The following LPAR6 variants were observed in gnomAD, a reference collection of about 807,000 sequenced individuals.
LPAR6 encodes G-protein coupled purinergic receptor P2Y5.
In LPAR6, 17 loss-of-function variants were observed where a neutral mutation model predicts 22.0. The ratio of observed to expected loss-of-function variants is 0.77; its 90% confidence interval spans 0.53 to 1.16. The LOEUF (loss-of-function observed/expected upper bound fraction) is 1.16. LPAR6 is among the 50% of genes most tolerant of loss of function. The pLI, the probability that LPAR6 is intolerant of heterozygous loss-of-function variation, is 0.00. For synonymous variants in LPAR6, 136 were observed against 139.8 expected (o/e 0.97, Z 0.19); for missense variants, 384 against 406.9 (o/e 0.94, Z 0.48).
downstream of LPAR6, among the ~76,000 whole-genome samples, chr13:48,407,450 T>C (rs1948750361): frequency 6.6e-6 from 1 of 152,208 alleles, no homozygotes; most frequent in African/African-American, 2.4e-5. Context: ...TGTTCATTTA[T>C]TATCTGATCT....
chr13:48,443,739 C>T (rs1949260588), intron 1 of LPAR6, among the ~76,000 whole-genome samples: 1 of 152,118 alleles, frequency 6.6e-6, no homozygotes, highest in Non-Finnish European at 1.5e-5. Context: ...TAAATGCCTC[C>T]TTAAATTTTC....
chr13:48,418,649 A>G (rs1234440859), intron 2 of LPAR6, among the ~76,000 whole-genome samples: 1 of 151,968 alleles, frequency 6.6e-6, no homozygotes, highest in East Asian at 1.9e-4. Flanking sequence ...CTCATCTCAC[A>G]TGCAAAGACA....
intron 1 of LPAR6, among the ~76,000 whole-genome samples, chr13:48,400,129 C>G (rs1208127341): frequency 1.3e-5 from 2 of 152,094 alleles, no homozygotes; most frequent in African/African-American, 4.8e-5. Context: ...TTGCTTACTT[C>G]TTTGGAAGTT....
At chr13:48,441,886 G>C (rs940373529) in intron 1 of LPAR6, among the ~76,000 whole-genome samples, 1 of 152,040 alleles carries the variant, frequency 6.6e-6, no homozygotes, top group African/African-American at 2.4e-5. Context: ...TTTAATTATA[G>C]GACCTATTTA....
At chr13:48,403,798 A>T (rs1294089033) in intron 1 of LPAR6, among the ~76,000 whole-genome samples, 1 of 152,116 alleles carries the variant, frequency 6.6e-6, no homozygotes, top group African/African-American at 2.4e-5. Flanking sequence ...TGTGAGCAAC[A>T]TTTTAAGAAC....
At chr13:48,394,715 G>A (rs1037993100) in intron 1 of LPAR6, among the ~76,000 whole-genome samples, 1 of 152,158 alleles carries the variant, frequency 6.6e-6, no homozygotes, top group Non-Finnish European at 1.5e-5. Context: ...CTCTGGGCAG[G>A]GCATCTCTGA....
intron 2 of LPAR6, among the ~76,000 whole-genome samples, chr13:48,419,350 CACA>C (rs1319975169): frequency 6.6e-6 from 1 of 152,158 alleles, no homozygotes; most frequent in African/African-American, 2.4e-5. Flanking sequence ...AGAACCAAGA[CACA>C]ACATACCCAA....
chr13:48,402,232 C>T (rs901801464), intron 1 of LPAR6, among the ~76,000 whole-genome samples: 2 of 152,036 alleles, frequency 1.3e-5, no homozygotes, highest in Non-Finnish European at 2.9e-5. Context: ...TAATAGTGTA[C>T]ACTTTTAGAT....
exon 1 of LPAR6, chr13:48,444,582 T>C (rs771916042): frequency 6.6e-6 from 1 of 152,286 alleles, no homozygotes; most frequent in African/African-American, 2.4e-5. Context: ...TTGCAAAGGA[T>C]ACAGATGAGG....
chr13:48,403,131 C>A (rs1177980849), intron 1 of LPAR6, among the ~76,000 whole-genome samples: 1 of 152,124 alleles, frequency 6.6e-6, no homozygotes, highest in Non-Finnish European at 1.5e-5. Flanking sequence ...ATTTAAAGAT[C>A]TCCTGTGTTT....
chr13:48,438,540 T>A (rs184935341), intron 1 of LPAR6, among the ~76,000 whole-genome samples: 1 of 152,256 alleles, frequency 6.6e-6, no homozygotes, highest in Admixed American at 6.5e-5. Flanking sequence ...TATTGCTATT[T>A]TTTATTTACT....
intron 1 of LPAR6, among the ~76,000 whole-genome samples, chr13:48,437,357 C>T (rs1448123477): frequency 6.6e-6 from 1 of 152,100 alleles, no homozygotes; most frequent in East Asian, 1.9e-4. Context: ...GTTAAGTATT[C>T]CATGAAATAT....
At chr13:48,434,040 G>A (rs1436146880) in intron 1 of LPAR6, among the ~76,000 whole-genome samples, 1 of 151,490 alleles carries the variant, frequency 6.6e-6, no homozygotes, top group African/African-American at 2.4e-5. Context: ...TTTATTTAAA[G>A]GTTACAAGAA....
chr13:48,394,312 C>T (rs1043884548), intron 1 of LPAR6, among the ~76,000 whole-genome samples: 5 of 152,182 alleles, frequency 3.3e-5, no homozygotes, highest in Admixed American at 6.5e-5. Context: ...GTTTCAAGCA[C>T]AAAACTGGGC....
rs373712773 is a variant in LPAR6 at position 48,412,434 on chromosome 13, C to T, written c.-11G>A. 6.2e-6 allele frequency: 10 copies of T among 1,605,998 alleles called. No homozygotes were observed. The highest frequency in any genetic ancestry group is 1.6e-4 in the Middle Eastern group (1 of 6,062). Reference sequence around the variant, plus strand: ...GTTAACGCTTACCATCGTAAAGGCACGTCCAATTTTCAGTTTGGAAGCACT... The same window carrying T: ...GTTAACGCTTACCATCGTAAAGGCATGTCCAATTTTCAGTTTGGAAGCACT... On this transcript the variant is annotated 5_prime_UTR_variant, in exon 1 of 1. The change creates a new upstream start codon in the 5' untranslated region. Transcript: ENST00000620633.
At chr13:48,416,869 T>C, upstream of LPAR6, among the ~76,000 whole-genome samples, 1 of 151,696 alleles carries the variant, frequency 6.6e-6, no homozygotes. Flanking sequence ...TTCTCTAGAG[T>C]CCTCCTCTCT....
chr13:48,437,865 A>C (rs1159891465), intron 1 of LPAR6, among the ~76,000 whole-genome samples: 1 of 152,158 alleles, frequency 6.6e-6, no homozygotes, highest in Non-Finnish European at 1.5e-5. Context: ...ATAAATACCC[A>C]GTGTCAGAGA....
chr13:48,416,769 C>T (rs1284897455), upstream of LPAR6, among the ~76,000 whole-genome samples: 2 of 152,160 alleles, frequency 1.3e-5, no homozygotes, highest in Non-Finnish European at 2.9e-5. Flanking sequence ...TCTGCCATTA[C>T]TGAGGCTTGA....
intron 2 of LPAR6, among the ~76,000 whole-genome samples, chr13:48,420,487 T>G (rs1319535949): frequency 6.6e-6 from 1 of 152,202 alleles, no homozygotes; most frequent in Non-Finnish European, 1.5e-5. Flanking sequence ...AAGACAAGGA[T>G]GCCCTCTCTC....
Sources: gnomAD v4.1 joint callset for allele counts (sites outside exome capture counted in the v4.1 genomes callset) on GRCh38, gnomAD v4.1.1 for gene constraint, MANE v1.5 for transcripts, NCBI Gene and HGNC (gene_info 2026-07-23, HGNC 2026-07-21) for gene names.